The following RNF130 variants were observed in gnomAD, a reference collection of about 807,000 sequenced individuals.
RNF130 encodes the protein ring finger protein 130.
A neutral mutation model predicts 44.6 loss-of-function variants in RNF130; 21 were observed. The observed-to-expected ratio is 0.47, with a 90% CI of 0.33 to 0.68. RNF130 has a LOEUF of 0.68. Ranked by LOEUF, RNF130 falls within the 30% of genes least tolerant of loss-of-function variation. RNF130 has a pLI of 0.02. For synonymous variants in RNF130, 214 were observed against 210.4 expected (o/e 1.02, Z -0.15); for missense variants, 479 against 560.6 (o/e 0.85, Z 1.47).
intron 3 of RNF130, among the ~76,000 whole-genome samples, chr5:179,995,263 C>T (rs775485807): frequency 1.3e-5 from 2 of 152,208 alleles, no homozygotes; most frequent in Non-Finnish European, 2.9e-5. Context: ...AGGAATCAGA[C>T]AGACCATATA....
chr5:180,041,561 C>T (rs1400050971), intron 1 of RNF130, among the ~76,000 whole-genome samples: 3 of 152,220 alleles, frequency 2.0e-5, no homozygotes, highest in African/African-American at 7.2e-5. Flanking sequence ...CTTCCCACTC[C>T]CACTTTCACA....
intron 7 of RNF130, chr5:179,940,025 T>A: frequency 8.9e-6 from 2 of 224,324 alleles, no homozygotes; most frequent in East Asian, 1.3e-4. Context: ...TCTCTCTGCT[T>A]CTTCTTTAGT....
At chr5:179,976,455 T>A (rs1762717594) in intron 5 of RNF130, among the ~76,000 whole-genome samples, 1 of 152,222 alleles carries the variant, frequency 6.6e-6, no homozygotes. Context: ...GGATGACGCC[T>A]CCCTGTGTCC....
At chr5:180,062,007 T>A (rs927548431) in intron 1 of RNF130, among the ~76,000 whole-genome samples, 1 of 151,582 alleles carries the variant, frequency 6.6e-6, no homozygotes, top group Admixed American at 6.6e-5. Context: ...CTTCTTTGTG[T>A]CCTCACATGG....
chr5:179,966,781 T>A, intron 7 of RNF130, 25 bp downstream of exon 7: 1 of 1,601,766 alleles, frequency 6.2e-7, no homozygotes, highest in African/African-American at 1.3e-5. Flanking sequence ...ACATGCCCTG[T>A]GCCTGAGCGG....
chr5:179,974,243 C>G (rs1444031032), intron 5 of RNF130, among the ~76,000 whole-genome samples: 1 of 152,198 alleles, frequency 6.6e-6, no homozygotes, highest in Non-Finnish European at 1.5e-5. Flanking sequence ...GCCGGCCCCC[C>G]GCTTTAGCTC....
At chr5:179,933,932 C>A in intron 7 of RNF130, 3 of 526,826 alleles carry the variant, frequency 5.7e-6, no homozygotes, top group South Asian at 3.6e-5. Context: ...ACTGTTCTGC[C>A]ATTTTTTCTA....
At chr5:180,048,458 A>T (rs1175239160) in intron 1 of RNF130, among the ~76,000 whole-genome samples, 3 of 152,100 alleles carry the variant, frequency 2.0e-5, no homozygotes, top group Non-Finnish European at 4.4e-5. Flanking sequence ...CCATGTAACA[A>T]AATCAATGAC....
intron 3 of RNF130, among the ~76,000 whole-genome samples, chr5:180,002,467 T>C (rs1763365487): frequency 6.6e-6 from 1 of 152,018 alleles, no homozygotes; most frequent in Non-Finnish European, 1.5e-5. Context: ...AATTCCAAGA[T>C]GGTATAGCAC....
chr5:179,923,746 G>C (rs750337598), intron 7 of RNF130, among the ~76,000 whole-genome samples: 4 of 152,082 alleles, frequency 2.6e-5, no homozygotes, highest in Non-Finnish European at 5.9e-5. Flanking sequence ...AACCTATTTC[G>C]GTCCTGGGGG....
chr5:180,001,732 T>A (rs1468379465), intron 3 of RNF130, among the ~76,000 whole-genome samples: 1 of 152,112 alleles, frequency 6.6e-6, no homozygotes, highest in African/African-American at 2.4e-5. Flanking sequence ...ACAGCAAGTA[T>A]CCTAGCTTAG....
intron 2 of RNF130, chr5:180,015,220 A>T (rs1448961808): frequency 1.2e-5 from 5 of 402,316 alleles, no homozygotes; most frequent in Non-Finnish European, 2.7e-5. Context: ...AATTAGAGAC[A>T]ATCACAAAAT....
intron 7 of RNF130, chr5:179,940,022 GCTT>G (rs1761950026): frequency 4.5e-6 from 1 of 220,670 alleles, no homozygotes; most frequent in Non-Finnish European, 8.9e-6. Flanking sequence ...TTTTCTCTCT[GCTT>G]CTTCTTTAGT....
Position 179,955,610 on chromosome 5 carries a change from T to C in RNF130, c.*44A>G. The C allele has an allele frequency of 6.4e-7, 1 of 1,552,150 alleles. No individual in the cohort carries two copies. Among genetic ancestry groups the C allele is most frequent in the Non-Finnish European group, 8.7e-7 (1 of 1,146,222 alleles). On this transcript the variant is annotated 3_prime_UTR_variant, in exon 9 of 9. Coordinates refer to ENST00000521389, the MANE Select transcript of RNF130 (RefSeq NM_018434.6). Reference sequence around the variant, plus strand: ...AATGATGCACAAAAATAGGTTCTTTTTTCCTTCAAGGCAAAATCAGTCAGA... The same window carrying C: ...AATGATGCACAAAAATAGGTTCTTTCTTCCTTCAAGGCAAAATCAGTCAGA...
At chr5:180,012,546 A>C (rs1330676232) in intron 3 of RNF130, among the ~76,000 whole-genome samples, 2 of 152,186 alleles carry the variant, frequency 1.3e-5, no homozygotes, top group South Asian at 2.1e-4. Flanking sequence ...GGATGACTAC[A>C]TAGACAGACA....
chr5:180,016,098 C>A (rs1037440531), intron 2 of RNF130, among the ~76,000 whole-genome samples: 1 of 151,224 alleles, frequency 6.6e-6, no homozygotes, highest in Non-Finnish European at 1.5e-5. Context: ...GGCAGAGGAG[C>A]CCGACCCTGC....
chr5:180,017,511 C>T (rs77069807), intron 2 of RNF130, among the ~76,000 whole-genome samples: 2 of 152,164 alleles, frequency 1.3e-5, no homozygotes, highest in Non-Finnish European at 2.9e-5. Context: ...GAATCTGTTA[C>T]GACAATGGTA....
intron 2 of RNF130, among the ~76,000 whole-genome samples, chr5:180,021,486 T>C (rs1763872288): frequency 1.3e-5 from 2 of 152,146 alleles, no homozygotes; most frequent in South Asian, 4.1e-4. Context: ...CCACTTTAAG[T>C]TGAGCATCCC....
At chr5:179,951,508 C>G (rs868204803), downstream of RNF130, among the ~76,000 whole-genome samples, 1 of 151,984 alleles carries the variant, frequency 6.6e-6, no homozygotes, top group African/African-American at 2.4e-5. Flanking sequence ...CTCAGCCTCC[C>G]GAGTAGCTGG....
Sources: gnomAD v4.1 joint callset for allele counts (sites outside exome capture counted in the v4.1 genomes callset) on GRCh38, gnomAD v4.1.1 for gene constraint, MANE v1.5 for transcripts, NCBI Gene and HGNC (gene_info 2026-07-23, HGNC 2026-07-21) for gene names.